Variants in RFTN2 observed in about 807,000 individuals in gnomAD.
RFTN2 encodes the protein raftlin family member 2.
RFTN2 carries 34 observed loss-of-function variants against 52.7 expected under a neutral mutation model. The ratio of observed to expected loss-of-function variants is 0.64; its 90% CI spans 0.49 to 0.86. The LOEUF is 0.86. Ranked by LOEUF, RFTN2 falls within the 40% of genes least tolerant of loss-of-function variation. The pLI, the probability that RFTN2 is intolerant of heterozygous loss-of-function variation, is 0.00. For synonymous variants in RFTN2, 203 were observed against 217.7 expected, an observed-to-expected ratio of 0.93 and a Z score of 0.59; for missense variants, 536 against 600.1, an observed-to-expected ratio of 0.89 and a Z score of 1.12.
intron 1 of RFTN2, among the ~76,000 whole-genome samples, chr2:197,650,822 T>C (rs953068648): frequency 6.6e-6 from 1 of 152,236 alleles, no homozygotes; most frequent in African/African-American, 2.4e-5. Context: ...GTGGGATTGC[T>C]GGATCATATG....
At position 197,635,508 on chromosome 2, in the gene RFTN2, T is replaced by C. The variant is rs2088551240; in HGVS notation, c.439-1511A>G. Among the ~76,000 whole-genome samples the C allele has an allele frequency of 2.0e-5, 3 of 151,906 alleles. No individual in the cohort carries two copies. The South Asian group carries it at 6.3e-4, about 32-fold the overall frequency. On this transcript the variant is annotated intron_variant, in intron 3 of 8. Coordinates refer to ENST00000295049, the MANE Select transcript of RFTN2 (RefSeq NM_144629.3). ...GCCAGTGATGATGAGCATTTTTTCA[T>C]GTATTTTTTGGCTGCATAAATGTCT...
At chr2:197,577,519 T>G (rs2087438099) in intron 8 of RFTN2, among the ~76,000 whole-genome samples, 1 of 152,208 alleles carries the variant, frequency 6.6e-6, no homozygotes, top group African/African-American at 2.4e-5. Context: ...TCAGAAAAGG[T>G]ACAAAATTTG....
At chr2:197,619,344 G>A (rs1394798165) in intron 5 of RFTN2, among the ~76,000 whole-genome samples, 1 of 152,040 alleles carries the variant, frequency 6.6e-6, no homozygotes, top group African/African-American at 2.4e-5. Flanking sequence ...GATGGTTGCC[G>A]TGTCTGTGTA....
intron 5 of RFTN2, among the ~76,000 whole-genome samples, chr2:197,627,592 T>G (rs72916919): frequency 0.46 from 69,641 of 152,022 alleles, 16,302 homozygotes; most frequent in Middle Eastern, 0.58. Flanking sequence ...AAGATTGAAA[T>G]GAATAACAAG....
intron 1 of RFTN2, among the ~76,000 whole-genome samples, chr2:197,672,063 C>G (rs561886863): frequency 2.8e-4 from 43 of 152,184 alleles, no homozygotes; most frequent in African/African-American, 9.9e-4. Flanking sequence ...TGAATTTTCA[C>G]TAATAAGCAG....
chr2:197,572,294 C>T lies in RFTN2; in HGVS notation c.1234-14G>A, dbSNP rs2087331912. 2 of 1,612,134 alleles carry T rather than the reference C, an allele frequency of 1.2e-6. No homozygotes were observed. Among genetic ancestry groups the T allele is most frequent in the Non-Finnish European group, 1.7e-6 (2 of 1,178,268 alleles). ...GCTGGCTTTCTTCTGAAACACAAGA[C>T]ATTGGTGACCAGGAGAGTTAAAAAG... On this transcript the variant is annotated splice_polypyrimidine_tract_variant and intron_variant, in intron 8 of 8. Transcript: ENST00000295049.
At chr2:197,582,236 C>T (rs1228587328) in intron 8 of RFTN2, among the ~76,000 whole-genome samples, 1 of 152,236 alleles carries the variant, frequency 6.6e-6, no homozygotes, top group Non-Finnish European at 1.5e-5. Flanking sequence ...TTCTTCCTCA[C>T]ATCTGACACA....
chr2:197,583,725 C>T (rs1349402814), intron 8 of RFTN2, among the ~76,000 whole-genome samples: 1 of 151,798 alleles, frequency 6.6e-6, no homozygotes, highest in African/African-American at 2.4e-5. Context: ...GTGTGCTGCA[C>T]CCATTAACTC....
intron 3 of RFTN2, among the ~76,000 whole-genome samples, chr2:197,638,984 C>G (rs1192955029): frequency 2.0e-5 from 3 of 148,030 alleles, no homozygotes; most frequent in Non-Finnish European, 4.5e-5. Flanking sequence ...TATTTTATTT[C>G]TCCTTCACTT....
At chr2:197,671,641 A>C (rs1276414353) in intron 1 of RFTN2, among the ~76,000 whole-genome samples, 1 of 152,248 alleles carries the variant, frequency 6.6e-6, no homozygotes, top group Non-Finnish European at 1.5e-5. Flanking sequence ...AATGCTAATC[A>C]GCATTTTTTA....
At chr2:197,625,943 C>T (rs1344175807) in intron 5 of RFTN2, among the ~76,000 whole-genome samples, 2 of 151,816 alleles carry the variant, frequency 1.3e-5, no homozygotes, top group Non-Finnish European at 2.9e-5. Context: ...AGGCACCCAC[C>T]ATGCCCGGCT....
At chr2:197,591,020 T>C (rs1015678882) in intron 8 of RFTN2, among the ~76,000 whole-genome samples, 2 of 152,192 alleles carry the variant, frequency 1.3e-5, no homozygotes, top group Admixed American at 6.5e-5. Flanking sequence ...ATCCTGCTGA[T>C]TGGTCCATTT....
chr2:197,633,625 A>G, intron 4 of RFTN2, 93 bp downstream of exon 4: 1 of 933,206 alleles, frequency 1.1e-6, no homozygotes, highest in Non-Finnish European at 1.6e-6. Context: ...AATCTTTAGC[A>G]ATTTACTTTG....
At chr2:197,665,581 G>A (rs767541089) in intron 1 of RFTN2, among the ~76,000 whole-genome samples, 10 of 100,214 alleles carry the variant, frequency 1.0e-4, no homozygotes, top group Non-Finnish European at 1.8e-4. Flanking sequence ...TATAGGTATA[G>A]CTATACCTGT....
At chr2:197,634,442 T>A (rs2088524988) in intron 3 of RFTN2, among the ~76,000 whole-genome samples, 1 of 152,138 alleles carries the variant, frequency 6.6e-6, no homozygotes, top group Admixed American at 6.6e-5. Flanking sequence ...GTTTTGCTTG[T>A]TTGATGGTAT....
rs770419110 is a variant in RFTN2, at chr2:197,572,089, G to A, written c.1425C>T (p.Ser475=). Residue 475 remains serine (S), a synonymous_variant, in exon 9 of 9, where the codon AGC becomes AGT. Transcript: ENST00000295049. ...ATTCCCGGAGGACGTTGTCACTGCTGCTGAACCCAGAGAAGCTGTTGTGCT... is the reference window on the plus strand; with the variant it reads ...ATTCCCGGAGGACGTTGTCACTGCTACTGAACCCAGAGAAGCTGTTGTGCT... ...LAQHNSFSGF[S]SSDNVLRELD... The A allele has an allele frequency of 1.5e-4, 235 of 1,614,112 alleles. No individual in the cohort carries two copies. The highest frequency in any genetic ancestry group is 1.9e-4 in the Non-Finnish European group (220 of 1,180,044).
intron 8 of RFTN2, among the ~76,000 whole-genome samples, chr2:197,591,663 G>A (rs1027415823): frequency 6.6e-6 from 1 of 152,190 alleles, no homozygotes; most frequent in Non-Finnish European, 1.5e-5. Context: ...GGAGCGGGGG[G>A]GCTCAGGCAT....
chr2:197,635,107 G>C (rs1260098974), intron 3 of RFTN2, among the ~76,000 whole-genome samples: 1 of 151,988 alleles, frequency 6.6e-6, no homozygotes, highest in Non-Finnish European at 1.5e-5. Flanking sequence ...TGGTGTATAT[G>C]TGCCACATTT....
At chr2:197,659,389 C>T (rs1372889781) in intron 1 of RFTN2, among the ~76,000 whole-genome samples, 1 of 148,260 alleles carries the variant, frequency 6.7e-6, no homozygotes, top group Non-Finnish European at 1.5e-5. Context: ...GGCCCAGCTA[C>T]TTGGGAGGCA....
Sources: gnomAD v4.1 joint callset for allele counts (sites outside exome capture counted in the v4.1 genomes callset) on GRCh38, gnomAD v4.1.1 for gene constraint, MANE v1.5 for transcripts, NCBI Gene and HGNC (gene_info 2026-07-23, HGNC 2026-07-21) for gene names.